The following ANKS1B variants were observed in gnomAD, a reference collection of about 807,000 sequenced individuals.
The protein encoded by ANKS1B is ankyrin repeat and sterile alpha motif domain containing 1B, also known as ankyrin repeat and sterile alpha motif domain-containing protein 1B.
ANKS1B carries 36 observed loss-of-function variants against 148.3 expected under a neutral mutation model. The observed-to-expected ratio is 0.24, with a 90% confidence interval of 0.19 to 0.32. The LOEUF (loss-of-function observed/expected upper bound fraction) is 0.32, where lower values mean the gene tolerates loss of function less well. Ranked by LOEUF, ANKS1B falls within the 10% of genes least tolerant of loss-of-function variation. ANKS1B has a pLI of 1.00. For missense variants in ANKS1B, 1,157 were observed against 1,542.6 expected, an observed-to-expected ratio of 0.75 and a Z score of 4.19; for synonymous variants, 542 against 560.8, an observed-to-expected ratio of 0.97 and a Z score of 0.47.
chr12:99,422,300 C>T (rs1243052886), intron 11 of ANKS1B, among the ~76,000 whole-genome samples: 3 of 152,150 alleles, frequency 2.0e-5, no homozygotes, highest in Non-Finnish European at 4.4e-5. Context: ...AGAGAAATAA[C>T]CAGCACTATC....
intron 1 of ANKS1B, among the ~76,000 whole-genome samples, chr12:99,904,115 T>C (rs1240270914): frequency 6.6e-6 from 1 of 152,196 alleles, no homozygotes; most frequent in Non-Finnish European, 1.5e-5. Context: ...GTTGGATTTG[T>C]GTCTCTTATC....
At position 99,018,349 on chromosome 12, in the gene ANKS1B, G is replaced by A. The variant is rs76324014; in HGVS notation, c.2778+34808C>T. On this transcript the variant is annotated intron_variant, in intron 17 of 26. Transcript: ENST00000683438. ...CAAGGAAGGGTCCTCCCCCAGACAC[G>A]GAAACTACTGTTGGTGCCCTGACCT... Among the ~76,000 whole-genome samples the A allele has an allele frequency of 9.0e-3, 1,369 of 152,228 alleles. 21 individuals carry two copies. Among genetic ancestry groups the A allele is most frequent in the African/African-American group, 0.03 (1,251 of 41,536 alleles).
chr12:98,967,179 C>A (rs548322720), intron 17 of ANKS1B, among the ~76,000 whole-genome samples: 65 of 152,278 alleles, frequency 4.3e-4, no homozygotes, highest in African/African-American at 1.4e-3. Context: ...TACCTAAAGG[C>A]TCCTTCTGAG....
chr12:99,364,580 T>C (rs1259509037), intron 12 of ANKS1B, among the ~76,000 whole-genome samples: 1 of 152,206 alleles, frequency 6.6e-6, no homozygotes, highest in African/African-American at 2.4e-5. Context: ...CTGCATCATC[T>C]ATCATGCACC....
At chr12:99,791,202 G>A (rs1324623874) in intron 4 of ANKS1B, among the ~76,000 whole-genome samples, 2 of 151,914 alleles carry the variant, frequency 1.3e-5, no homozygotes, top group Admixed American at 6.6e-5. Context: ...TAATGACAAA[G>A]GGGTCAATTC....
intron 25 of ANKS1B, among the ~76,000 whole-genome samples, chr12:98,755,507 G>A (rs1439220757): frequency 1.7e-4 from 26 of 152,194 alleles, no homozygotes; most frequent in Admixed American, 2.6e-4. Context: ...TTGCTTGCTT[G>A]CTGAATGAAT....
At chr12:98,739,166 A>G (rs1593191219), downstream of ANKS1B, among the ~76,000 whole-genome samples, 1 of 152,100 alleles carries the variant, frequency 6.6e-6, no homozygotes, top group African/African-American at 2.4e-5. Flanking sequence ...ACTGGGTGAC[A>G]CTCCCTGTAC....
rs1314002789 is a variant in ANKS1B, at chr12:99,535,879, A to G, written c.1273-31238T>C. On this transcript the variant is annotated intron_variant, in intron 9 of 26. Coordinates refer to ENST00000683438, the MANE Select transcript of ANKS1B (RefSeq NM_001352186.2). The stretch of plus-strand genomic sequence containing the variant: ...CATCAAGGATTTATTCAAGAAAATC[A>G]TCAGAATTTTTGTGAAAACAGTTAA... Among the ~76,000 whole-genome samples, 5 of 152,316 alleles carry G rather than the reference A, an allele frequency of 3.3e-5. No homozygotes were observed. In the East Asian group the frequency reaches 7.7e-4, roughly 24 times the overall value.
At chr12:99,786,028 T>C (rs2064978039) in intron 4 of ANKS1B, among the ~76,000 whole-genome samples, 1 of 152,218 alleles carries the variant, frequency 6.6e-6, no homozygotes, top group African/African-American at 2.4e-5. Context: ...CATTTTATTT[T>C]TTCCCTTCCT....
At chr12:99,461,213 G>A (rs376672323) in intron 10 of ANKS1B, among the ~76,000 whole-genome samples, 6 of 152,094 alleles carry the variant, frequency 3.9e-5, no homozygotes, top group African/African-American at 1.4e-4. Flanking sequence ...ACTCATAAGT[G>A]GGAGCTATGC....
chr12:99,018,948 A>C (rs1218134271), intron 17 of ANKS1B, among the ~76,000 whole-genome samples: 2 of 152,164 alleles, frequency 1.3e-5, no homozygotes, highest in Non-Finnish European at 2.9e-5. Flanking sequence ...ATCTCAAAAC[A>C]AAAAAAGTAT....
intron 9 of ANKS1B, among the ~76,000 whole-genome samples, chr12:99,536,721 C>T (rs998459769): frequency 6.6e-6 from 1 of 152,048 alleles, no homozygotes; most frequent in Non-Finnish European, 1.5e-5. Flanking sequence ...TTATGAAGAA[C>T]GGGGTATCCA....
At chr12:99,514,489 A>G (rs534271759) in intron 9 of ANKS1B, among the ~76,000 whole-genome samples, 2 of 152,158 alleles carry the variant, frequency 1.3e-5, no homozygotes, top group East Asian at 1.9e-4. Flanking sequence ...AGTGAATACT[A>G]TTTTATTTGC....
At chr12:99,950,590 A>G (rs1223615772) in intron 1 of ANKS1B, among the ~76,000 whole-genome samples, 4 of 152,154 alleles carry the variant, frequency 2.6e-5, no homozygotes, top group Admixed American at 6.5e-5. Context: ...TGAAGTTAAT[A>G]GTTATCATTT....
At chr12:99,351,567 A>C (rs1457600057) in intron 12 of ANKS1B, among the ~76,000 whole-genome samples, 1 of 152,072 alleles carries the variant, frequency 6.6e-6, no homozygotes, top group Non-Finnish European at 1.5e-5. Context: ...TAGATAAATT[A>C]GTGTCTTTTC....
At chr12:98,887,676 T>C (rs368903961) in intron 17 of ANKS1B, among the ~76,000 whole-genome samples, 2 of 152,142 alleles carry the variant, frequency 1.3e-5, no homozygotes, top group East Asian at 1.9e-4. Flanking sequence ...GGTGCGATCT[T>C]GGCTCACTGC....
chr12:99,535,453 A>G (rs1201209836), intron 9 of ANKS1B, among the ~76,000 whole-genome samples: 4 of 152,212 alleles, frequency 2.6e-5, no homozygotes, highest in African/African-American at 9.6e-5. Flanking sequence ...ATATACCACC[A>G]TTAGAAGAAT....
At chr12:99,235,121 T>C (rs531266512) in intron 14 of ANKS1B, among the ~76,000 whole-genome samples, 9 of 152,174 alleles carry the variant, frequency 5.9e-5, no homozygotes, top group Non-Finnish European at 1.2e-4. Flanking sequence ...AGGATGGCAA[T>C]ATGATAGGTA....
At chr12:99,843,488 A>T (rs1156848482) in intron 1 of ANKS1B, among the ~76,000 whole-genome samples, 1 of 152,060 alleles carries the variant, frequency 6.6e-6, no homozygotes, top group African/African-American at 2.4e-5. Flanking sequence ...CCTCCCACTT[A>T]TAAGTGAGAA....
Sources: allele counts gnomAD v4.1 joint callset (sites outside exome capture counted in the v4.1 genomes callset), GRCh38; gene constraint gnomAD v4.1.1; transcripts MANE v1.5; gene names NCBI Gene and HGNC (gene_info 2026-07-23, HGNC 2026-07-21).